FBXL17: variants seen among roughly 807,000 people sequenced by gnomAD.
FBXL17 encodes the protein F-box/LRR-repeat protein 17.
In FBXL17, 22 loss-of-function variants were observed where a neutral mutation model predicts 66.2. That is an observed-to-expected ratio of 0.33 (90% CI 0.24 to 0.47). The LOEUF (loss-of-function observed/expected upper bound fraction) is 0.47. Ranked by LOEUF, FBXL17 falls within the 20% of genes least tolerant of loss-of-function variation. The probability of loss-of-function intolerance (pLI) is 1.00; values close to 1 mark genes in which losing one functional copy is unlikely to be tolerated. For synonymous variants in FBXL17, 474 were observed against 400.5 expected, an observed-to-expected ratio of 1.18 and a Z score of -2.19; for missense variants, 878 against 948.2, an observed-to-expected ratio of 0.93 and a Z score of 0.97.
chr5:107,968,885 T>TA (rs1752254130), intron 7 of FBXL17, among the ~76,000 whole-genome samples: 1 of 151,978 alleles, frequency 6.6e-6, no homozygotes, highest in Non-Finnish European at 1.5e-5. Context: ...GATATACTGC[T>TA]AAAAGTAGGA....
chr5:108,332,941 C>A (rs200074161), intron 4 of FBXL17, among the ~76,000 whole-genome samples: 154 of 34,740 alleles, frequency 4.4e-3, no homozygotes, highest in Middle Eastern at 0.029. Context: ...AAAGCAAAAG[C>A]AAAAAAAAAA....
chr5:108,267,838 T>C (rs1045091675), intron 4 of FBXL17, among the ~76,000 whole-genome samples: 3 of 152,080 alleles, frequency 2.0e-5, no homozygotes, highest in Non-Finnish European at 4.4e-5. Context: ...CTTGGGGAAG[T>C]GACATTTGAG....
chr5:107,991,020 TTAC>T (rs1273129415), intron 7 of FBXL17, among the ~76,000 whole-genome samples: 1 of 112,496 alleles, frequency 8.9e-6, no homozygotes, highest in Non-Finnish European at 2.0e-5. Context: ...AAAGGGCTAG[TTAC>T]AGACATAAAC....
chr5:108,369,757 G>A (rs917499277), intron 1 of FBXL17, among the ~76,000 whole-genome samples: 4 of 151,612 alleles, frequency 2.6e-5, no homozygotes, highest in African/African-American at 9.7e-5. Flanking sequence ...ACCATGTGTG[G>A]GCCACACTGA....
intron 4 of FBXL17, among the ~76,000 whole-genome samples, chr5:108,296,767 AAT>A (rs1156317026): frequency 6.6e-6 from 1 of 151,708 alleles, no homozygotes; most frequent in Non-Finnish European, 1.5e-5. Flanking sequence ...CTATCATTAA[AAT>A]ATCTTTTAAA....
intron 4 of FBXL17, among the ~76,000 whole-genome samples, chr5:108,252,248 T>C (rs1756389495): frequency 6.6e-6 from 1 of 152,130 alleles, no homozygotes. Flanking sequence ...ATCACTAAGA[T>C]TCCTTCTAGT....
Position 107,982,431 on chromosome 5 carries a change from G to C in FBXL17, c.1822+38494C>G, listed in dbSNP as rs1285964327. On this transcript the variant is annotated intron_variant, in intron 7 of 8. Transcript: ENST00000542267. ...GAAGTGAGTACTCTTTGCTTTATGA[G>C]GCTTTTCTCAATGCTTTAAAAAAAA... is the stretch of plus-strand genomic sequence containing the variant. Among the ~76,000 whole-genome samples the C allele has an allele frequency of 2.0e-5, 3 of 151,160 alleles. 1 individual carries two copies. In the South Asian group the frequency reaches 6.3e-4, roughly 32 times the overall value.
Position 108,109,340 on chromosome 5 carries a change from T to C in FBXL17, c.1745+76777A>G, listed in dbSNP as rs544159907. ...TTTCATGTGAGAGGTGCCCACTCTA[T>C]ATCCACAAGAAAGGAACATCCTCAT... On this transcript the variant is annotated intron_variant, in intron 6 of 8. Transcript: ENST00000542267. Among the ~76,000 whole-genome samples the C allele has an allele frequency of 8.6e-5, 13 of 151,734 alleles. No homozygotes were observed. The East Asian group carries it at 2.3e-3, about 27-fold the overall frequency.
intron 4 of FBXL17, among the ~76,000 whole-genome samples, chr5:108,294,926 C>T (rs1448539222): frequency 3.3e-5 from 5 of 151,882 alleles, no homozygotes; most frequent in Admixed American, 6.6e-5. Context: ...ACAAAAACAC[C>T]TATGTTAGGT....
In FBXL17 at chr5:107,987,450, C is replaced by T. The variant is rs984119331; in HGVS notation, c.1822+33475G>A. ...ATAATAATAACTATCACTTGCAGAA[C>T]GAAACTTGTTGAGCTGGGTGCTTTT... On this transcript the variant is annotated intron_variant, in intron 7 of 8. Transcript: ENST00000542267. 7.9e-5 allele frequency among the ~76,000 whole-genome samples: 12 copies of T among 151,910 alleles called. No individual in the cohort carries two copies. The South Asian group carries it at 8.3e-4, about 11-fold the overall frequency.
intron 5 of FBXL17, among the ~76,000 whole-genome samples, chr5:108,195,930 A>G (rs1392212368): frequency 2.6e-5 from 4 of 152,184 alleles, no homozygotes; most frequent in Admixed American, 6.6e-5. Context: ...GGCAGAAAAG[A>G]TAGTTTTGTT....
At chr5:107,916,651 T>C (rs750544892) in intron 7 of FBXL17, among the ~76,000 whole-genome samples, 12 of 152,194 alleles carry the variant, frequency 7.9e-5, no homozygotes, top group Non-Finnish European at 1.5e-4. Flanking sequence ...GCTATACAAA[T>C]ATATTTCTTC....
intron 4 of FBXL17, among the ~76,000 whole-genome samples, chr5:108,240,943 T>C (rs1039424328): frequency 6.6e-6 from 1 of 152,156 alleles, no homozygotes; most frequent in African/African-American, 2.4e-5. Flanking sequence ...ATTCACAGAA[T>C]TCTTCCAGAT....
At chr5:108,027,556 T>C (rs974341457) in intron 6 of FBXL17, among the ~76,000 whole-genome samples, 2 of 152,156 alleles carry the variant, frequency 1.3e-5, no homozygotes. Context: ...GTAAACTATG[T>C]TTTAGAAATA....
chr5:108,006,165 T>C (rs1241107034), intron 7 of FBXL17, among the ~76,000 whole-genome samples: 1 of 152,254 alleles, frequency 6.6e-6, no homozygotes, highest in Admixed American at 6.5e-5. Flanking sequence ...TTTAGGTCTA[T>C]ATGTAACCCA....
At chr5:107,994,831 C>T (rs1753408025) in intron 7 of FBXL17, among the ~76,000 whole-genome samples, 1 of 152,086 alleles carries the variant, frequency 6.6e-6, no homozygotes, top group African/African-American at 2.4e-5. Context: ...GAGAGTGAGG[C>T]TCCATCTCAA....
intron 6 of FBXL17, among the ~76,000 whole-genome samples, chr5:108,089,371 C>T (rs1000029983): frequency 6.6e-6 from 1 of 152,168 alleles, no homozygotes; most frequent in Non-Finnish European, 1.5e-5. Context: ...TTTTCCTATA[C>T]CTGGCCACAG....
intron 7 of FBXL17, 112 bp downstream of exon 7, chr5:108,020,813 A>C (rs1754568646): frequency 1.4e-6 from 1 of 738,136 alleles, no homozygotes; most frequent in Non-Finnish European, 2.3e-6. Flanking sequence ...AATGAGCATA[A>C]GTGACGATAG....
chr5:108,322,863 A>C (rs552644553), intron 4 of FBXL17, among the ~76,000 whole-genome samples: 1 of 152,096 alleles, frequency 6.6e-6, no homozygotes, highest in Non-Finnish European at 1.5e-5. Flanking sequence ...CTGGAAAAAA[A>C]GATCGAGCTC....
Sources: gnomAD v4.1 joint callset for allele counts (sites outside exome capture counted in the v4.1 genomes callset) on GRCh38, gnomAD v4.1.1 for gene constraint, MANE v1.5 for transcripts, NCBI Gene and HGNC (gene_info 2026-07-23, HGNC 2026-07-21) for gene names.